The following COX15 variants were observed in gnomAD, a reference collection of about 807,000 sequenced individuals.
The protein encoded by COX15 is cytochrome c oxidase assembly factor COX15, also known as heme A synthase COX15.
In COX15, 51 loss-of-function variants were observed where a neutral mutation model predicts 51.9. The observed-to-expected ratio is 0.98, with a 90% CI of 0.78 to 1.24. The LOEUF is 1.24. Among genes scored for constraint, COX15 ranks in the 50% most tolerant of loss-of-function variants. COX15 has a pLI of 0.00. For synonymous variants in COX15, 188 were observed against 190.5 expected (o/e 0.99, Z 0.11); for missense variants, 420 against 501.1 (o/e 0.84, Z 1.55).
chr10:99,712,418 G>T lies in COX15; in HGVS notation c.*2169C>A, dbSNP rs565343768. ...TTGAGAGCTTTCACAGAAAAATCTA[G>T]ATATGTGGCTTATTTTTAAAAAACA... On this transcript the variant is annotated 3_prime_UTR_variant, in exon 9 of 9. Coordinates refer to ENST00000016171, the MANE Select transcript of COX15 (RefSeq NM_078470.6). The T allele has an allele frequency of 1.3e-5, 13 of 985,314 alleles. No homozygotes were observed. The African/African-American group carries it at 1.9e-4, about 15-fold the overall frequency. The allele number at this position is 985,314 out of a possible 1,614,324, so 61.0% of individuals were successfully genotyped here.
chr10:99,719,215 C>T (rs1030209376), intron 6 of COX15, among the ~76,000 whole-genome samples: 1 of 151,872 alleles, frequency 6.6e-6, no homozygotes, highest in Non-Finnish European at 1.5e-5. Context: ...GTCACACTCG[C>T]TTTTTTCTTT....
chr10:99,698,881 G>A, the COX15 span: 1 of 1,562,326 alleles, frequency 6.4e-7, no homozygotes. Flanking sequence ...TGATAAACAT[G>A]GCTTATGCTG....
chr10:99,715,714 A>G (rs899354353), intron 8 of COX15, among the ~76,000 whole-genome samples: 1 of 151,006 alleles, frequency 6.6e-6, no homozygotes, highest in Non-Finnish European at 1.5e-5. Flanking sequence ...CACCAGGAAT[A>G]TTTGAAAGTA....
chr10:99,700,690 C>G, the COX15 span, among the ~76,000 whole-genome samples: 1 of 152,214 alleles, frequency 6.6e-6, no homozygotes, highest in Non-Finnish European at 1.5e-5. Context: ...TAGAATGAAA[C>G]TATCTTTGTC....
the COX15 span, chr10:99,698,695 C>T: frequency 6.2e-7 from 1 of 1,614,200 alleles, no homozygotes. Flanking sequence ...CCCCTGCTGG[C>T]TCGCTCCAAC....
chr10:99,715,443 G>GT (rs35024919), intron 8 of COX15, among the ~76,000 whole-genome samples: 2 of 152,020 alleles, frequency 1.3e-5, no homozygotes, highest in African/African-American at 2.4e-5. Context: ...CCGGCCCATA[G>GT]TTTTTTAACT....
chr10:99,700,238 G>A, the COX15 span, among the ~76,000 whole-genome samples: 12 of 152,042 alleles, frequency 7.9e-5, no homozygotes, highest in Admixed American at 2.0e-4. Context: ...AGGTAAAAGC[G>A]ATTTTTTTCC....
At chr10:99,716,027 T>A (rs575300311) in intron 8 of COX15, among the ~76,000 whole-genome samples, 3 of 149,908 alleles carry the variant, frequency 2.0e-5, no homozygotes, top group Non-Finnish European at 4.4e-5. Context: ...GGTCTCACTC[T>A]GTTGTCTAGG....
Position 99,711,493 on chromosome 10 carries a change from G to A in COX15, c.*3094C>T, listed in dbSNP as rs1270486970. ...GCAACATAGCAGATCAAATGATAAG[G>A]TGGGGTGGAAATTAGAAGGGAATGG... is the stretch of plus-strand genomic sequence containing the variant. On this transcript the variant is annotated 3_prime_UTR_variant, in exon 9 of 9. Coordinates refer to ENST00000016171, the MANE Select transcript of COX15 (RefSeq NM_078470.6). 2.0e-6 allele frequency: 2 copies of A among 985,298 alleles called. No homozygotes were observed. The highest frequency in any genetic ancestry group is 2.4e-6 in the Non-Finnish European group (2 of 829,946). 61.0% of individuals were successfully genotyped at this position (985,298 alleles called of 1,614,324 possible).
In COX15 at chr10:99,711,031, A is replaced by C; in HGVS notation, c.*3556T>G. ...TTGGAACATCAATCTGTAATTATCC[A>C]TTTTCCATTCATGCATTCACTAATT... On this transcript the variant is annotated 3_prime_UTR_variant, in exon 9 of 9. Transcript: ENST00000016171. 2 of 985,238 alleles carry C rather than the reference A, an allele frequency of 2.0e-6. No individual in the cohort carries two copies. Among genetic ancestry groups the C allele is most frequent in the Non-Finnish European group, 2.4e-6 (2 of 829,844 alleles). 61.0% of individuals were successfully genotyped at this position (985,238 alleles called of 1,614,324 possible).
Position 99,716,375 on chromosome 10 carries a change from C to T in COX15, c.1074G>A (p.Val358=). Reference sequence around the variant, plus strand: ...GTGTATACGCCAAAGCCAGCAGAGTCACTGCTGCCATCTTGGTCCTTCTAG... The same window carrying T: ...GTGTATACGCCAAAGCCAGCAGAGTTACTGCTGCCATCTTGGTCCTTCTAG... ...PLPRRTKMAA[V]TLLALAYTQV... is the part of the protein sequence containing the mutation. Residue 358 remains valine (V), a synonymous_variant, in exon 8 of 9, where the codon GTG becomes GTA. Transcript: ENST00000016171. 6.2e-7 allele frequency: 1 copy of T among 1,613,762 alleles called. No individual in the cohort carries two copies. Among genetic ancestry groups the T allele is most frequent in the Middle Eastern group, 1.6e-4 (1 of 6,062 alleles).
At chr10:99,708,758 TG>T (rs2036300620), downstream of COX15, 2 of 864,136 alleles carry the variant, frequency 2.3e-6, no homozygotes, top group South Asian at 1.1e-4. Context: ...TTGATTTATA[TG>T]GGTGATAAAA....
chr10:99,715,382 G>A (rs1015316385), intron 8 of COX15, among the ~76,000 whole-genome samples: 13 of 151,854 alleles, frequency 8.6e-5, no homozygotes, highest in Non-Finnish European at 1.9e-4. Context: ...CAGGTAATCC[G>A]CCCACCTCGG....
At position 99,712,896 on chromosome 10, in the gene COX15, G is replaced by A; in HGVS notation, c.*1691C>T. On this transcript the variant is annotated 3_prime_UTR_variant, in exon 9 of 9. Transcript: ENST00000016171. ...CTCATTCCCTCTTCTGCATGAGACG[G>A]CTTCAACTTCTCAAGGACAGGAATC... 1 of 564,728 alleles carries A rather than the reference G, an allele frequency of 1.8e-6. No homozygotes were observed. Among genetic ancestry groups the A allele is most frequent in the Non-Finnish European group, 2.3e-6 (1 of 443,088 alleles). 35.0% of individuals were successfully genotyped at this position (564,728 alleles called of 1,614,324 possible).
At chr10:99,704,764 A>G in the COX15 span, 13 of 1,258,712 alleles carry the variant, frequency 1.0e-5, no homozygotes, top group Non-Finnish European at 1.5e-5. Context: ...ATAGCCTCAG[A>G]TGCTGTGATG....
chr10:99,709,478 TG>T (rs1198753459), downstream of COX15: 4 of 985,326 alleles, frequency 4.1e-6, no homozygotes, highest in African/African-American at 7.0e-5. Context: ...AAAATATTGC[TG>T]TTAAAAAACT....
chr10:99,716,318 A>C, intron 8 of COX15, 30 bp downstream of exon 8: 1 of 1,470,866 alleles, frequency 6.8e-7, no homozygotes. Context: ...TATTGGGGAT[A>C]CTGTCAGAAC....
In COX15 at chr10:99,713,690, C is replaced by A; in HGVS notation, c.*897G>T. 2.7e-6 allele frequency: 2 copies of A among 754,262 alleles called. No homozygotes were observed. The highest frequency in any genetic ancestry group is 2.0e-6 in the Non-Finnish European group (1 of 491,512). 46.7% of individuals were successfully genotyped at this position (754,262 alleles called of 1,614,324 possible). A position where few individuals can be genotyped will look rare whatever the true frequency, so the allele number is the denominator to read the frequency against. ...ACAGCCTTATCAAAAGAGGAACTAG[C>A]TGGGCGTGGTGGCCCATGCCTGTAA... is the stretch of plus-strand genomic sequence containing the variant. On this transcript the variant is annotated 3_prime_UTR_variant, in exon 9 of 9. Transcript: ENST00000016171.
rs1452689597 is a variant in COX15 at position 99,713,985 on chromosome 10, A to AG, written c.*601_*602insC. The AG allele has an allele frequency of 1.0e-6, 1 of 1,000,820 alleles. No individual in the cohort carries two copies. Among genetic ancestry groups the AG allele is most frequent in the African/African-American group, 1.7e-5 (1 of 57,300 alleles). 62.0% of individuals were successfully genotyped at this position (1,000,820 alleles called of 1,614,324 possible). The stretch of plus-strand genomic sequence containing the variant: ...AAACTCTGTCTCAAAAAAAAAAAAA[A>AG]AAATGGAACTATTTGGCGATTACCT... On this transcript the variant is annotated 3_prime_UTR_variant, in exon 9 of 9. Coordinates refer to ENST00000016171, the MANE Select transcript of COX15 (RefSeq NM_078470.6).
Sources: allele counts gnomAD v4.1 joint callset (sites outside exome capture counted in the v4.1 genomes callset), GRCh38; gene constraint gnomAD v4.1.1; transcripts MANE v1.5; gene names NCBI Gene and HGNC (gene_info 2026-07-23, HGNC 2026-07-21).